Variants in NFAT5 observed in about 807,000 individuals in gnomAD.
NFAT5 encodes nuclear factor of activated T cells 5.
NFAT5 carries 31 observed loss-of-function variants against 166.5 expected under a neutral mutation model. The observed-to-expected ratio is 0.19, with a 90% CI of 0.14 to 0.25. The LOEUF (loss-of-function observed/expected upper bound fraction) is 0.25, where lower values mean the gene tolerates loss of function less well. NFAT5 is among the 10% of genes least tolerant of loss of function. The pLI is 1.00. For missense variants in NFAT5, 1,449 were observed against 1,821.8 expected (o/e 0.80, Z 3.72); for synonymous variants, 612 against 639.7 (o/e 0.96, Z 0.65).
chr16:69,649,768 A>G (rs1047519757), intron 4 of NFAT5, among the ~76,000 whole-genome samples: 1 of 151,988 alleles, frequency 6.6e-6, no homozygotes, highest in African/African-American at 2.4e-5. Context: ...ATGTTTTGAG[A>G]GATAAGGATA....
intron 2 of NFAT5, among the ~76,000 whole-genome samples, chr16:69,619,597 C>A (rs2034111649): frequency 6.6e-6 from 1 of 152,116 alleles, no homozygotes; most frequent in African/African-American, 2.4e-5. Context: ...CCTGGCCCTG[C>A]AAAGTGCTCA....
intron 3 of NFAT5, among the ~76,000 whole-genome samples, chr16:69,641,166 T>C (rs1380913315): frequency 4.7e-5 from 7 of 149,658 alleles, no homozygotes; most frequent in Non-Finnish European, 8.9e-5. Flanking sequence ...TAGTCCCAGC[T>C]ACTCGGGAGG....
rs2037925201 is a variant in NFAT5 at position 69,703,067 on chromosome 16, A to T, written c.*6716A>T. On this transcript the variant is annotated 3_prime_UTR_variant, in exon 15 of 15. Coordinates refer to ENST00000349945, the MANE Select transcript of NFAT5 (RefSeq NM_138713.4). Reference sequence around the variant, plus strand: ...GTGCTAAAGTCTCCTGTTTATCCATAAAATGGGTACATTATGGGCAGTGTA... The same window carrying T: ...GTGCTAAAGTCTCCTGTTTATCCATTAAATGGGTACATTATGGGCAGTGTA... 6.6e-6 allele frequency: 1 copy of T among 152,660 alleles called. No individual in the cohort carries two copies. Among genetic ancestry groups the T allele is most frequent in the Non-Finnish European group, 1.5e-5 (1 of 68,048 alleles). The allele number at this position is 152,660 out of a possible 1,614,324, so 9.5% of individuals were successfully genotyped here.
At chr16:69,597,890 G>A (rs2151535756) in intron 2 of NFAT5, among the ~76,000 whole-genome samples, 1 of 152,122 alleles carries the variant, frequency 6.6e-6, no homozygotes, top group African/African-American at 2.4e-5. Context: ...ACCACGCCCA[G>A]CCGGACCTAG....
At chr16:69,639,463 A>T (rs940086920) in intron 3 of NFAT5, among the ~76,000 whole-genome samples, 14 of 152,188 alleles carry the variant, frequency 9.2e-5, no homozygotes, top group African/African-American at 3.4e-4. Flanking sequence ...GTTTTATAAC[A>T]TTAGAACCCT....
At chr16:69,594,935 G>A (rs1166472921) in intron 2 of NFAT5, among the ~76,000 whole-genome samples, 3 of 152,166 alleles carry the variant, frequency 2.0e-5, no homozygotes, top group African/African-American at 7.2e-5. Context: ...CATCGAGCAA[G>A]GGAGAGAGAT....
intron 2 of NFAT5, among the ~76,000 whole-genome samples, chr16:69,575,678 TAAAA>T (rs11299832): frequency 1.3e-5 from 2 of 151,542 alleles, no homozygotes; most frequent in African/African-American, 4.8e-5. Context: ...TTAGTTTTAA[TAAAA>T]AAAACTGTAC....
intron 1 of NFAT5, 149 bp from the exon 2 acceptor site, chr16:69,568,346 A>ATGTGTG (rs1555515541): frequency 0.023 from 4,183 of 180,148 alleles, 109 homozygotes; most frequent in Admixed American, 0.069. Context: ...ATATATATAT[A>ATGTGTG]TGTGTGTGTG....
chr16:69,630,640 C>T (rs929548011), intron 3 of NFAT5, among the ~76,000 whole-genome samples: 1 of 152,140 alleles, frequency 6.6e-6, no homozygotes, highest in African/African-American at 2.4e-5. Flanking sequence ...TAAAAGTTAT[C>T]CAAATGAATT....
At chr16:69,648,546 A>T (rs541982592) in intron 4 of NFAT5, 1 of 984,950 alleles carries the variant, frequency 1.0e-6, no homozygotes, top group African/African-American at 1.7e-5. Context: ...GTTTTCTTTC[A>T]TCTCTGCCAG....
At chr16:69,599,630 A>C (rs1025957393) in intron 2 of NFAT5, among the ~76,000 whole-genome samples, 2 of 152,306 alleles carry the variant, frequency 1.3e-5, no homozygotes, top group Admixed American at 6.5e-5. Context: ...AGGGATAAGA[A>C]AATGGTGGGG....
At chr16:69,586,592 G>A (rs1448628978) in intron 2 of NFAT5, among the ~76,000 whole-genome samples, 4 of 151,906 alleles carry the variant, frequency 2.6e-5, no homozygotes, top group African/African-American at 7.3e-5. Context: ...TAGTAGAGAC[G>A]AGGTTTTGCT....
At chr16:69,653,193 ACT>A in intron 4 of NFAT5, 41 bp from the exon 5 acceptor site, 1 of 1,354,208 alleles carries the variant, frequency 7.4e-7, no homozygotes, top group Non-Finnish European at 1.0e-6. Flanking sequence ...TTATCAAAAA[ACT>A]CTTTTTGATA....
At chr16:69,570,842 T>G (rs147497984) in intron 2 of NFAT5, among the ~76,000 whole-genome samples, 3 of 152,270 alleles carry the variant, frequency 2.0e-5, no homozygotes, top group African/African-American at 7.2e-5. Context: ...ATTTAATCTT[T>G]TTTGCTTCAA....
At chr16:69,660,550 G>A (rs957859413) in intron 7 of NFAT5, among the ~76,000 whole-genome samples, 1 of 152,354 alleles carries the variant, frequency 6.6e-6, no homozygotes, top group Middle Eastern at 3.4e-3. Context: ...TAGAACATGA[G>A]TAAGGTAAGC....
intron 2 of NFAT5, among the ~76,000 whole-genome samples, chr16:69,605,719 T>C (rs567118539): frequency 1.3e-5 from 2 of 152,182 alleles, no homozygotes; most frequent in South Asian, 4.1e-4. Flanking sequence ...TTTCTTTTTT[T>C]TTTTTGAGAC....
chr16:69,572,521 A>G (rs887956299), intron 2 of NFAT5, among the ~76,000 whole-genome samples: 2 of 152,134 alleles, frequency 1.3e-5, no homozygotes, highest in Non-Finnish European at 1.5e-5. Context: ...AGTGCCTGGG[A>G]AAAAAATTCA....
At chr16:69,657,194 G>A (rs1481749136) in intron 6 of NFAT5, among the ~76,000 whole-genome samples, 1 of 151,572 alleles carries the variant, frequency 6.6e-6, no homozygotes, top group Non-Finnish European at 1.5e-5. Context: ...GGAGTGGCAC[G>A]ATCTCGGCTC....
chr16:69,691,516 A>G (rs1336827400), intron 12 of NFAT5, among the ~76,000 whole-genome samples: 1 of 152,134 alleles, frequency 6.6e-6, no homozygotes, highest in Non-Finnish European at 1.5e-5. Context: ...CGATTATTCT[A>G]CTTCCTTGTT....
Sources: gnomAD v4.1 joint callset for allele counts (sites outside exome capture counted in the v4.1 genomes callset) on GRCh38, gnomAD v4.1.1 for gene constraint, MANE v1.5 for transcripts, NCBI Gene and HGNC (gene_info 2026-07-23, HGNC 2026-07-21) for gene names.